Variants in ATM observed in about 807,000 individuals in gnomAD.
The protein encoded by ATM is ATM serine/threonine kinase.
A neutral mutation model predicts 387.0 loss-of-function variants in ATM; 308 were observed. The observed-to-expected ratio is 0.80, with a 90% CI of 0.73 to 0.87. The LOEUF is 0.87. Among genes scored for constraint, ATM ranks in the 40% least tolerant of loss-of-function variants. The probability of loss-of-function intolerance (pLI) is 0.00; values close to 1 mark genes in which losing one functional copy is unlikely to be tolerated. For missense variants in ATM, 3,312 were observed against 3,560.9 expected (o/e 0.93, Z 1.78); for synonymous variants, 1,156 against 1,187.3 (o/e 0.97, Z 0.54).
Position 108,253,799 on chromosome 11 carries a change from CTT to C in ATM, c.1899-14_1899-13del. 1 of 1,598,932 alleles carries C rather than the reference CTT, an allele frequency of 6.3e-7. No homozygotes were observed. The highest frequency in any genetic ancestry group is 1.1e-5 in the South Asian group (1 of 90,518). On this transcript the variant is annotated splice_polypyrimidine_tract_variant and intron_variant, in intron 12 of 62. Transcript: ENST00000675843. ...GGTACTTGGTTTATATATTAAAGAT[CTT>C]ACTTTCTTGAAGTGAACACCACCAA... is the stretch of plus-strand genomic sequence containing the variant.
In ATM at chr11:108,290,957, C is replaced by G. The variant is rs149742592; in HGVS notation, c.4436+1156C>G. Among the ~76,000 whole-genome samples, 1,239 of 151,556 alleles carry G rather than the reference C, an allele frequency of 8.2e-3. 17 individuals carry two copies. Among genetic ancestry groups the G allele is most frequent in the Non-Finnish European group, 9.0e-3 (612 of 67,866 alleles). ...TACTATAGAATTGGGGTTGTTCGGC[C>G]GGGTGTAGTGGCTCACGCCTGTAAT... On this transcript the variant is annotated intron_variant, in intron 29 of 62. Transcript: ENST00000675843.
intron 39 of ATM, among the ~76,000 whole-genome samples, chr11:108,310,755 A>C (rs866996320): frequency 6.6e-6 from 1 of 152,196 alleles, no homozygotes; most frequent in Non-Finnish European, 1.5e-5. Context: ...CAAAATGGCT[A>C]TAATGTGACT....
chr11:108,355,019 C>T, intron 61 of ATM, 145 bp downstream of exon 61: 1 of 710,102 alleles, frequency 1.4e-6, no homozygotes, highest in Non-Finnish European at 2.4e-6. Context: ...AGATTGTGCA[C>T]TTAGCCTTTT....
rs546087885 is a variant in ATM, at chr11:108,252,894, T to G, written c.1880T>G (p.Phe627Cys). 1.5e-5 allele frequency: 24 copies of G among 1,612,246 alleles called. No individual in the cohort carries two copies. The highest frequency in any genetic ancestry group is 2.0e-5 in the Non-Finnish European group (23 of 1,178,644). The change falls in exon 12 of 63, where the codon TTC (phenylalanine) becomes TGC (cysteine). Residue 627 changes from phenylalanine to cysteine, a missense_variant. Transcript: ENST00000675843. ...MKNCKAAMNF[F>C]QSVPECEHHQ... is the part of the protein sequence containing the mutation. ...AACTGTAAAGCTGCAATGAATTTTT[T>G]CCAAAGCGTGCCAGAATGGTATGTT...
Position 108,268,496 on chromosome 11 carries a change from A to G in ATM, c.2725A>G (p.Thr909Ala). The stretch of plus-strand genomic sequence containing the variant: ...GCTCAAGTTCTTGTGTTTGTGTGTA[A>G]CTACTGCTCAGACCAATACTGTGTC... ...DMLKFLCLCV[T>A]TAQTNTVSFR... Residue 909 changes from threonine (T) to alanine (A), a missense_variant, in exon 18 of 63, where the codon ACT becomes GCT. Thr to Ala is a moderately conservative substitution (Grantham distance 58). Coordinates refer to ENST00000675843, the MANE Select transcript of ATM (RefSeq NM_000051.4). 6.2e-7 allele frequency: 1 copy of G among 1,614,050 alleles called. No homozygotes were observed. The highest frequency in any genetic ancestry group is 1.1e-5 in the South Asian group (1 of 91,072).
At chr11:108,358,529 T>TA (rs1310816223) in intron 61 of ATM, among the ~76,000 whole-genome samples, 2 of 141,976 alleles carry the variant, frequency 1.4e-5, no homozygotes, top group African/African-American at 5.3e-5. Context: ...GAAAAAATGT[T>TA]AAGGGCAGCC....
At chr11:108,312,544 C>A in intron 40 of ATM, 46 bp downstream of exon 40, 1 of 1,408,888 alleles carries the variant, frequency 7.1e-7, no homozygotes, top group Non-Finnish European at 1.0e-6. Context: ...TTATCTCATA[C>A]TTTGGGTTAT....
chr11:108,279,688 T>TA (rs1044643220), intron 23 of ATM, 80 bp downstream of exon 23: 2 of 1,131,906 alleles, frequency 1.8e-6, no homozygotes, highest in African/African-American at 3.1e-5. Context: ...AAGTTTGGTA[T>TA]AAGAGAGTTT....
rs764702196 is a variant in ATM at position 108,252,907 on chromosome 11, A to G, written c.1893A>G (p.Pro631=). 2.5e-6 allele frequency: 4 copies of G among 1,607,286 alleles called. No individual in the cohort carries two copies. The Admixed American group carries it at 5.0e-5, about 20-fold the overall frequency. ...CAATGAATTTTTTCCAAAGCGTGCC[A>G]GAATGGTATGTTATCTAATAATGCT... ...KAAMNFFQSV[P]ECEHHQKDKE... is the part of the protein sequence containing the mutation. The change falls in exon 12 of 63, where the codon CCA becomes CCG. Residue 631 remains proline, a synonymous_variant. Coordinates refer to ENST00000675843, the MANE Select transcript of ATM (RefSeq NM_000051.4).
Position 108,267,277 on chromosome 11 carries a change from T to C in ATM, c.2573T>C (p.Phe858Ser), listed in dbSNP as rs2135508093. The change falls in exon 17 of 63, where the codon TTT (phenylalanine) becomes TCT (serine). Residue 858 changes from phenylalanine (F) to serine (S), a missense_variant. By Grantham distance (155) the Phe-to-Ser change is radical. Coordinates refer to ENST00000675843, the MANE Select transcript of ATM (RefSeq NM_000051.4). Reference protein sequence around the residue: ...EVEDQSSMNLFNDYPDSSVSD... With the variant: ...EVEDQSSMNLSNDYPDSSVSD... ...GAGGATCAGTCATCCATGAATCTAT[T>C]TAACGATTACCCTGATAGTAGTGTT... is the stretch of plus-strand genomic sequence containing the variant. 6.2e-7 allele frequency: 1 copy of C among 1,614,130 alleles called. No individual in the cohort carries two copies. The highest frequency in any genetic ancestry group is 8.5e-7 in the Non-Finnish European group (1 of 1,179,998).
intron 4 of ATM, among the ~76,000 whole-genome samples, chr11:108,234,734 A>T (rs1161567160): frequency 6.6e-6 from 1 of 152,056 alleles, no homozygotes; most frequent in East Asian, 1.9e-4. Context: ...CCAGTTGCTC[A>T]GGAGGCTAAG....
chr11:108,331,371 A>C, intron 50 of ATM, 73 bp from the exon 51 acceptor site: 1 of 1,551,128 alleles, frequency 6.4e-7, no homozygotes, highest in Non-Finnish European at 8.7e-7. Context: ...GTCTTAAAAT[A>C]ACTTACTTGC....
chr11:108,284,762 G>A (rs4987995), intron 26 of ATM, among the ~76,000 whole-genome samples: 4 of 151,984 alleles, frequency 2.6e-5, no homozygotes, highest in African/African-American at 4.8e-5. Flanking sequence ...TGTAATACAC[G>A]AATGCAAACT....
chr11:108,288,828 T>G, intron 27 of ATM, 149 bp from the exon 28 acceptor site: 1 of 857,096 alleles, frequency 1.2e-6, no homozygotes, highest in Non-Finnish European at 1.8e-6. Flanking sequence ...ATGTCATTTG[T>G]GATTTTATTG....
chr11:108,335,134 G>T, intron 55 of ATM, 25 bp downstream of exon 55: 1 of 1,613,724 alleles, frequency 6.2e-7, no homozygotes, highest in African/African-American at 1.3e-5. Context: ...CTCTGGCTTA[G>T]CCCTTAGAGT....
At chr11:108,328,892 G>C in intron 48 of ATM, 129 bp from the exon 49 acceptor site, 2 of 1,055,934 alleles carry the variant, frequency 1.9e-6, no homozygotes, top group Non-Finnish European at 1.4e-6. Context: ...GTTTGCAATA[G>C]TTCATATAAT....
Position 108,272,841 on chromosome 11 carries a change from G to A in ATM, c.3273G>A (p.Glu1091=), listed in dbSNP as rs762860946. 23 of 1,614,056 alleles carry A rather than the reference G, an allele frequency of 1.4e-5. No homozygotes were observed. Among genetic ancestry groups the A allele is most frequent in the Non-Finnish European group, 1.9e-5 (22 of 1,179,998 alleles). ...ACCAAGTTCGCATGTTGGCTGCAGA[G>A]TCAATCAATAGGTAATGGGTCAAAT... The part of the protein sequence containing the change: ...NHHQVRMLAA[E]SINRLFQDTK... Residue 1091 remains glutamate, a synonymous_variant, in exon 22 of 63, where the codon GAG becomes GAA. Coordinates refer to ENST00000675843, the MANE Select transcript of ATM (RefSeq NM_000051.4).
Position 108,327,647 on chromosome 11 carries a change from C to A in ATM, c.6978C>A (p.Asn2326Lys). 6.2e-7 allele frequency: 1 copy of A among 1,613,128 alleles called. No homozygotes were observed. Among genetic ancestry groups the A allele is most frequent in the Non-Finnish European group, 8.5e-7 (1 of 1,179,294 alleles). The change falls in exon 48 of 63, where the codon AAC (asparagine) becomes AAA (lysine). Residue 2326 changes from asparagine to lysine, a missense_variant and splice_region_variant. Coordinates refer to ENST00000675843, the MANE Select transcript of ATM (RefSeq NM_000051.4). ...AAGATTTTGCCTTTCTTATACAGAA[C>A]AATCCCAGCCTAAAACTTACATACA... ...IKKLDASCAA[N>K]NPSLKLTYTE... is the part of the protein sequence containing the mutation.
chr11:108,357,304 A>G (rs1245788503), intron 61 of ATM, among the ~76,000 whole-genome samples: 4 of 152,154 alleles, frequency 2.6e-5, no homozygotes, highest in Non-Finnish European at 4.4e-5. Flanking sequence ...ACGCCCACGG[A>G]GTCTCGCTGA....
Sources: gnomAD v4.1 joint callset for allele counts (sites outside exome capture counted in the v4.1 genomes callset) on GRCh38, gnomAD v4.1.1 for gene constraint, MANE v1.5 for transcripts, NCBI Gene and HGNC (gene_info 2026-07-23, HGNC 2026-07-21) for gene names.